Variants in XKR9 observed in about 807,000 individuals in gnomAD.
XKR9 encodes the protein XK related 9, also known as XK-related protein 9.
In XKR9, 32 loss-of-function variants were observed where a neutral mutation model predicts 32.0. The observed-to-expected ratio is 1.00, with a 90% CI of 0.76 to 1.34. The LOEUF (loss-of-function observed/expected upper bound fraction) is 1.34, where lower values mean the gene tolerates loss of function less well. Among genes scored for constraint, XKR9 ranks in the 40% most tolerant of loss-of-function variants. XKR9 has a pLI of 0.00. For synonymous variants in XKR9, 168 were observed against 143.4 expected (o/e 1.17, Z -1.22); for missense variants, 546 against 429.7 (o/e 1.27, Z -2.39).
the XKR9 span, among the ~76,000 whole-genome samples, chr8:71,033,188 C>T: frequency 6.6e-6 from 1 of 152,098 alleles, no homozygotes; most frequent in Non-Finnish European, 1.5e-5. Context: ...CAAAGGGGAA[C>T]TCTGGAATCA....
At chr8:70,704,744 A>G (rs1234484907) in intron 3 of XKR9, among the ~76,000 whole-genome samples, 1 of 152,158 alleles carries the variant, frequency 6.6e-6, no homozygotes, top group East Asian at 1.9e-4. Context: ...TTGGATTATA[A>G]ACAACTTCAA....
At chr8:71,020,876 T>A in the XKR9 span, among the ~76,000 whole-genome samples, 1 of 152,232 alleles carries the variant, frequency 6.6e-6, no homozygotes. Context: ...TAACTGTATA[T>A]TAGTACCTGT....
At chr8:70,710,017 A>T (rs902450496) in intron 4 of XKR9, among the ~76,000 whole-genome samples, 1 of 152,242 alleles carries the variant, frequency 6.6e-6, no homozygotes, top group Non-Finnish European at 1.5e-5. Context: ...AGCTGGAGGC[A>T]TCACACTATC....
intron 2 of XKR9, among the ~76,000 whole-genome samples, chr8:70,759,804 T>C (rs1807283713): frequency 6.6e-6 from 1 of 152,198 alleles, no homozygotes; most frequent in Non-Finnish European, 1.5e-5. Context: ...GTCAAAATAA[T>C]GTATTAGTTC....
the XKR9 span, among the ~76,000 whole-genome samples, chr8:70,938,486 TC>T: frequency 6.6e-6 from 1 of 151,946 alleles, no homozygotes; most frequent in Admixed American, 6.6e-5. Context: ...TTATTCTTAT[TC>T]TTCTCTCATG....
At chr8:70,727,963 C>G (rs1273024764) in intron 4 of XKR9, among the ~76,000 whole-genome samples, 1 of 152,096 alleles carries the variant, frequency 6.6e-6, no homozygotes, top group Non-Finnish European at 1.5e-5. Context: ...TTGTAGCTTT[C>G]AGCTGCATGA....
the XKR9 span, among the ~76,000 whole-genome samples, chr8:70,916,170 C>T: frequency 6.6e-6 from 1 of 152,170 alleles, no homozygotes; most frequent in African/African-American, 2.4e-5. Flanking sequence ...TCTACATTCC[C>T]TATTTCCCGC....
chr8:70,673,615 A>G (rs1050605661), intron 1 of XKR9, among the ~76,000 whole-genome samples: 1 of 152,078 alleles, frequency 6.6e-6, no homozygotes, highest in African/African-American at 2.4e-5. Context: ...AAATACAAAA[A>G]TTAGGTGGGC....
At chr8:70,780,888 C>T (rs534008205) in intron 2 of XKR9, 3 of 148,488 alleles carry the variant, frequency 2.0e-5, no homozygotes, top group Non-Finnish European at 3.0e-5. Flanking sequence ...ACCAACAATT[C>T]TCTTCCTTTT....
chr8:70,711,364 G>A (rs1480312423), intron 4 of XKR9, among the ~76,000 whole-genome samples: 1 of 152,120 alleles, frequency 6.6e-6, no homozygotes, highest in African/African-American at 2.4e-5. Flanking sequence ...GCAAAGACAT[G>A]GAATCAACCT....
chr8:70,681,637 CTGAT>C (rs1404466332), intron 3 of XKR9, among the ~76,000 whole-genome samples: 4 of 152,018 alleles, frequency 2.6e-5, no homozygotes, highest in African/African-American at 9.7e-5. Context: ...TATTCTAAGT[CTGAT>C]TGTGTAAATA....
chr8:70,679,814 G>A (rs1257484646), intron 2 of XKR9, among the ~76,000 whole-genome samples: 1 of 152,142 alleles, frequency 6.6e-6, no homozygotes, highest in East Asian at 1.9e-4. Flanking sequence ...TTAAGTGATA[G>A]AAGAATTAAA....
At chr8:70,758,328 T>C (rs1241176972) in intron 2 of XKR9, among the ~76,000 whole-genome samples, 1 of 152,194 alleles carries the variant, frequency 6.6e-6, no homozygotes, top group Non-Finnish European at 1.5e-5. Context: ...CTCCAATAAT[T>C]GCCAGACTAT....
At chr8:70,721,293 C>G (rs1806273313) in intron 4 of XKR9, among the ~76,000 whole-genome samples, 3 of 151,872 alleles carry the variant, frequency 2.0e-5, no homozygotes, top group Admixed American at 6.6e-5. Context: ...TTTCGTTTCT[C>G]TATCTCCTTC....
chr8:70,925,801 C>G, the XKR9 span, among the ~76,000 whole-genome samples: 1 of 151,954 alleles, frequency 6.6e-6, no homozygotes, highest in Non-Finnish European at 1.5e-5. Flanking sequence ...ACACTTGTTA[C>G]TGGGTATGTA....
downstream of XKR9, among the ~76,000 whole-genome samples, chr8:70,740,114 G>A (rs1286481239): frequency 6.6e-6 from 1 of 152,198 alleles, no homozygotes; most frequent in Non-Finnish European, 1.5e-5. Flanking sequence ...GCAATCAGAT[G>A]TAGATTTGGT....
chr8:70,737,310 A>G (rs1315009046), downstream of XKR9, among the ~76,000 whole-genome samples: 19 of 146,492 alleles, frequency 1.3e-4, no homozygotes, highest in Non-Finnish European at 2.4e-4. Context: ...ATTTTTGTAC[A>G]TTGATTTTGT....
At chr8:70,984,547 T>A in the XKR9 span, among the ~76,000 whole-genome samples, 1 of 152,236 alleles carries the variant, frequency 6.6e-6, no homozygotes, top group Non-Finnish European at 1.5e-5. Flanking sequence ...CTATCTATGC[T>A]GCAACACAAA....
chr8:70,684,927 G>T (rs995622436), intron 3 of XKR9, among the ~76,000 whole-genome samples: 6 of 147,830 alleles, frequency 4.1e-5, no homozygotes, highest in Non-Finnish European at 7.4e-5. Flanking sequence ...CATTGTGGAA[G>T]TCAGTGTGGC....
Sources: allele counts gnomAD v4.1 joint callset (sites outside exome capture counted in the v4.1 genomes callset), GRCh38; gene constraint gnomAD v4.1.1; transcripts MANE v1.5; gene names NCBI Gene and HGNC (gene_info 2026-07-23, HGNC 2026-07-21).